IQANK1: variants seen among roughly 807,000 people sequenced by gnomAD.
The protein encoded by IQANK1 is IQ motif and ankyrin repeat containing 1, also known as IQ motif and ankyrin repeat domain-containing protein 1.
A neutral mutation model predicts 22.6 loss-of-function variants in IQANK1; 30 were observed. That is an observed-to-expected ratio of 1.33 (90% CI 0.99 to 1.80). The LOEUF (loss-of-function observed/expected upper bound fraction) is 1.80. Ranked by LOEUF, IQANK1 falls within the 40% of genes most tolerant of loss-of-function variation. IQANK1 has a pLI of 0.00. For missense variants in IQANK1, 275 were observed against 235.2 expected, an observed-to-expected ratio of 1.17 and a Z score of -1.11; for synonymous variants, 122 against 99.6, an observed-to-expected ratio of 1.23 and a Z score of -1.34.
intron 3 of IQANK1, among the ~76,000 whole-genome samples, chr8:143,743,350 G>T (rs1474355267): frequency 1.3e-5 from 2 of 152,184 alleles, no homozygotes; most frequent in Non-Finnish European, 2.9e-5. Flanking sequence ...TGATCCTCCT[G>T]CCTCAGCCTG....
chr8:143,740,477 G>C (rs914453353), intron 3 of IQANK1, among the ~76,000 whole-genome samples: 1 of 152,224 alleles, frequency 6.6e-6, no homozygotes, highest in Admixed American at 6.5e-5. Flanking sequence ...ACGCGAACTC[G>C]TCGTCGGTCT....
rs1819653259 is a variant in IQANK1 at position 143,774,815 on chromosome 8, C to T, written c.789+2333C>T. ...CATTCCTGCCACGAAACACGCTTGGCAATAAAACGGTGTGCACACATGATC... is the reference window on the plus strand; with the variant it reads ...CATTCCTGCCACGAAACACGCTTGGTAATAAAACGGTGTGCACACATGATC... On this transcript the variant is annotated intron_variant, in intron 7 of 13. Coordinates refer to ENST00000527139, the MANE Select transcript of IQANK1 (RefSeq NM_001381874.1). This position sits in a 1 kb window ranked among gnomAD's most constrained non-coding sequence, Gnocchi z 4.2. 6.6e-6 allele frequency among the ~76,000 whole-genome samples: 1 copy of T among 152,182 alleles called. No individual in the cohort carries two copies.
At chr8:143,780,966 C>T (rs1554630882) in intron 7 of IQANK1, among the ~76,000 whole-genome samples, 1 of 152,202 alleles carries the variant, frequency 6.6e-6, no homozygotes, top group East Asian at 1.9e-4. Context: ...GTTCCCTTTT[C>T]TCCACAACCT....
In IQANK1 at chr8:143,771,645, G is replaced by A. The variant is rs369806130; in HGVS notation, c.306+27G>A. The A allele has an allele frequency of 1.2e-3, 469 of 399,902 alleles. 7 individuals are homozygous for A. The East Asian group carries it at 0.016, about 14-fold the overall frequency. 24.8% of individuals were successfully genotyped at this position (399,902 alleles called of 1,614,324 possible). ...TGAGGACGGGCAGCCGCAACAGCCG[G>A]GGGCCAGGCAGGAGGCAGGGGGAGG... On this transcript the variant is annotated intron_variant, in intron 4 of 13. Transcript: ENST00000527139. This position sits in a 1 kb window ranked among gnomAD's most constrained non-coding sequence, Gnocchi z 6.0.
At chr8:143,775,234 G>A (rs1819659846) in intron 7 of IQANK1, among the ~76,000 whole-genome samples, 1 of 151,878 alleles carries the variant, frequency 6.6e-6, no homozygotes, top group Non-Finnish European at 1.5e-5. Flanking sequence ...CATCATTGGG[G>A]GAGCTTGTTA....
chr8:143,771,608 C>A lies in IQANK1; in HGVS notation c.296C>A (p.Pro99Gln). ...GAGTACCTGGAGCAGATGGAGACGCCGCAGAAGGAGGTGAGGACGGGCAGC... is the reference window on the plus strand; with the variant it reads ...GAGTACCTGGAGCAGATGGAGACGCAGCAGAAGGAGGTGAGGACGGGCAGC... ...RREYLEQMET[P>Q]QKEAYLAPVR... Residue 99 changes from proline to glutamine, a missense_variant, in exon 4 of 14, where the codon CCG becomes CAG. Coordinates refer to ENST00000527139, the MANE Select transcript of IQANK1 (RefSeq NM_001381874.1). This position sits in a 1 kb window ranked among gnomAD's most constrained non-coding sequence, Gnocchi z 6.0. The A allele has an allele frequency of 2.5e-6, 1 of 398,600 alleles. No homozygotes were observed. Among genetic ancestry groups the A allele is most frequent in the South Asian group, 1.3e-4 (1 of 7,860 alleles). The allele number at this position is 398,600 out of a possible 1,614,324, so 24.7% of individuals were successfully genotyped here.
intron 7 of IQANK1, among the ~76,000 whole-genome samples, chr8:143,775,787 T>TACACAC (rs35665050): frequency 0.064 from 8,334 of 129,388 alleles, 254 homozygotes; most frequent in Middle Eastern, 0.1. Flanking sequence ...ATAGCTGTAT[T>TACACAC]ACACACACAC....
chr8:143,734,779 C>A (rs1162191707), intron 1 of IQANK1, among the ~76,000 whole-genome samples: 1 of 152,026 alleles, frequency 6.6e-6, no homozygotes, highest in African/African-American at 2.4e-5. Context: ...AAAACCAAGC[C>A]CCAACGGACA....
At chr8:143,787,913 C>T (rs556837706) in intron 7 of IQANK1, among the ~76,000 whole-genome samples, 108 of 152,280 alleles carry the variant, frequency 7.1e-4, no homozygotes, top group African/African-American at 2.3e-3. Flanking sequence ...GCCTGCCACA[C>T]CTTCTCGGTC....
At chr8:143,785,445 G>C (rs1819868298) in intron 7 of IQANK1, among the ~76,000 whole-genome samples, 1 of 151,810 alleles carries the variant, frequency 6.6e-6, no homozygotes, top group Non-Finnish European at 1.5e-5. Context: ...CAGTAGAGAT[G>C]GGGTTTTGCC....
rs1329739994 is a variant in IQANK1, at chr8:143,748,949, C to CTA, written c.175+9008_175+9009dup. Among the ~76,000 whole-genome samples, 619 of 104,612 alleles carry CTA rather than the reference C, an allele frequency of 5.9e-3. 10 individuals are homozygous for CTA. The highest frequency in any genetic ancestry group is 0.023 in the African/African-American group (588 of 25,454). The allele number at this position is 104,612 out of a possible 152,430, so 68.6% of individuals were successfully genotyped here. A position where few individuals can be genotyped will look rare whatever the true frequency, so the allele number is the denominator to read the frequency against. ...AATATATAAAAATATATACATATAT[C>CTA]TATATATAAATATATATCATATATA... On this transcript the variant is annotated intron_variant, in intron 3 of 13. Transcript: ENST00000527139.
chr8:143,788,976 C>T lies in IQANK1; in HGVS notation c.851C>T (p.Ala284Val), dbSNP rs782677070. Reference protein sequence around the residue: ...LRSWDLSLTEAMLQNMEAEQQ... With the variant: ...LRSWDLSLTEVMLQNMEAEQQ... ...TCGTGGGACCTGAGCCTCACGGAGG[C>T]CATGCTCCAGAACATGGAGGCTGAG... The change falls in exon 8 of 14, where the codon GCC (alanine) becomes GTC (valine). Residue 284 changes from alanine to valine, a missense_variant. By Grantham distance (64) the Ala-to-Val change is moderately conservative. Transcript: ENST00000527139. The T allele has an allele frequency of 7.5e-6, 3 of 399,366 alleles. No individual in the cohort carries two copies. Among genetic ancestry groups the T allele is most frequent in the Non-Finnish European group, 1.3e-5 (3 of 226,404 alleles). The allele number at this position is 399,366 out of a possible 1,614,324, so 24.7% of individuals were successfully genotyped here.
In IQANK1 at chr8:143,772,473, C is replaced by G. The variant is rs1819598402; in HGVS notation, c.780C>G (p.Thr260=). 1 of 399,168 alleles carries G rather than the reference C, an allele frequency of 2.5e-6. No individual in the cohort carries two copies. Among genetic ancestry groups the G allele is most frequent in the Non-Finnish European group, 4.4e-6 (1 of 226,204 alleles). 24.7% of individuals were successfully genotyped at this position (399,168 alleles called of 1,614,324 possible). Residue 260 remains threonine (T), a synonymous_variant, in exon 7 of 14, where the codon ACC becomes ACG. Transcript: ENST00000527139. ...DPRVYAEDGS[T]PERVASLDTV... ...GGGTGTACGCAGAGGACGGGAGCAC[C>G]CCTGAGCGGGTGTGGACCCCAGAGG...
chr8:143,773,803 T>C (rs1013046526), intron 7 of IQANK1, among the ~76,000 whole-genome samples: 1 of 151,962 alleles, frequency 6.6e-6, no homozygotes, highest in Non-Finnish European at 1.5e-5. Context: ...GGCGGTGGGC[T>C]TAGGGAGGGG....
chr8:143,751,678 A>ATATATATAT (rs1554628061), intron 3 of IQANK1, among the ~76,000 whole-genome samples: 3 of 139,114 alleles, frequency 2.2e-5, no homozygotes, highest in African/African-American at 5.2e-5. Flanking sequence ...ATATATATAT[A>ATATATATAT]AAATCCTATA....
At chr8:143,786,691 A>G (rs1819895284) in intron 7 of IQANK1, among the ~76,000 whole-genome samples, 2 of 152,152 alleles carry the variant, frequency 1.3e-5, no homozygotes, top group Non-Finnish European at 2.9e-5. Context: ...CACAACTCAC[A>G]GTGCAGTGGA....
At chr8:143,736,314 A>G (rs1045332804) in intron 2 of IQANK1, among the ~76,000 whole-genome samples, 1 of 151,620 alleles carries the variant, frequency 6.6e-6, no homozygotes, top group Non-Finnish European at 1.5e-5. Context: ...TGATTTTTGT[A>G]TTTTTGTTTT....
chr8:143,750,013 A>AT (rs1171380715), intron 3 of IQANK1, among the ~76,000 whole-genome samples: 36 of 138,376 alleles, frequency 2.6e-4, no homozygotes, highest in African/African-American at 9.4e-4. Flanking sequence ...TTTATTTTTT[A>AT]TTTTTTTTGA....
At chr8:143,745,246 GTC>G (rs1442466154) in intron 3 of IQANK1, 2 of 152,202 alleles carry the variant, frequency 1.3e-5, no homozygotes, top group African/African-American at 2.4e-5. Flanking sequence ...AGCCTGACGT[GTC>G]TCTGATCATA....
Sources: allele counts gnomAD v4.1 joint callset (sites outside exome capture counted in the v4.1 genomes callset), GRCh38; gene constraint gnomAD v4.1.1; non-coding constraint Gnocchi (gnomAD v3.1); transcripts MANE v1.5; gene names NCBI Gene and HGNC (gene_info 2026-07-23, HGNC 2026-07-21).